The following NCAM2 variants were observed in gnomAD, a reference collection of about 807,000 sequenced individuals.
The protein encoded by NCAM2 is neural cell adhesion molecule 2, also known as N-CAM-2.
A neutral mutation model predicts 98.1 loss-of-function variants in NCAM2; 30 were observed. The ratio of observed to expected loss-of-function variants is 0.31; its 90% CI spans 0.23 to 0.41. The LOEUF (loss-of-function observed/expected upper bound fraction) is 0.41, where lower values mean the gene tolerates loss of function less well. Among genes scored for constraint, NCAM2 ranks in the 10% least tolerant of loss-of-function variants. The pLI is 1.00. For missense variants in NCAM2, 867 were observed against 1,005.8 expected (o/e 0.86, Z 1.87); for synonymous variants, 368 against 342.4 (o/e 1.07, Z -0.83).
intron 9 of NCAM2, among the ~76,000 whole-genome samples, chr21:21,384,698 T>C (rs924603945): frequency 2.6e-5 from 4 of 152,024 alleles, no homozygotes; most frequent in African/African-American, 9.7e-5. Flanking sequence ...ATGTAAATAA[T>C]GTTTAAAGTA....
intron 15 of NCAM2, among the ~76,000 whole-genome samples, chr21:21,497,174 A>G (rs1987300851): frequency 6.6e-6 from 1 of 152,190 alleles, no homozygotes; most frequent in Admixed American, 6.5e-5. Flanking sequence ...ACACATGGAC[A>G]TAAATATGGG....
chr21:21,500,005 T>C (rs549641632), intron 15 of NCAM2, among the ~76,000 whole-genome samples: 3 of 152,150 alleles, frequency 2.0e-5, no homozygotes, highest in East Asian at 3.9e-4. Flanking sequence ...TCAATATATA[T>C]TATAAAATAC....
intron 15 of NCAM2, among the ~76,000 whole-genome samples, chr21:21,501,247 T>C (rs1035037186): frequency 1.3e-5 from 2 of 152,018 alleles, no homozygotes; most frequent in Admixed American, 6.6e-5. Context: ...GTTGTATAAA[T>C]CTCAGAAATG....
At chr21:21,438,463 G>A (rs896795481) in intron 12 of NCAM2, among the ~76,000 whole-genome samples, 20 of 152,046 alleles carry the variant, frequency 1.3e-4, no homozygotes, top group African/African-American at 3.6e-4. Flanking sequence ...AGCTGAAGCC[G>A]TACTAATTAT....
intron 12 of NCAM2, among the ~76,000 whole-genome samples, chr21:21,460,982 G>A (rs1450381254): frequency 1.3e-5 from 2 of 151,726 alleles, no homozygotes; most frequent in African/African-American, 4.8e-5. Context: ...TTGGCAGTAT[G>A]GACATTTAGG....
At position 21,542,496 on chromosome 21, in the gene NCAM2, T is replaced by A. The variant is rs1209787159; in HGVS notation, c.*4539T>A. 1 of 151,896 alleles carries A rather than the reference T, an allele frequency of 6.6e-6. No individual in the cohort carries two copies. The highest frequency in any genetic ancestry group is 1.5e-5 in the Non-Finnish European group (1 of 67,882). The allele number at this position is 151,896 out of a possible 1,614,324, so 9.4% of individuals were successfully genotyped here. A position where few individuals can be genotyped will look rare whatever the true frequency, so the allele number is the denominator to read the frequency against. ...GCCACACAACATTCAGAATTATTGC[T>A]CATGTAAATTTAAATATTGCTACTT... On this transcript the variant is annotated 3_prime_UTR_variant, in exon 18 of 18. Coordinates refer to ENST00000400546, the MANE Select transcript of NCAM2 (RefSeq NM_004540.5).
intron 15 of NCAM2, among the ~76,000 whole-genome samples, chr21:21,507,871 A>G (rs1021218607): frequency 1.3e-5 from 2 of 151,728 alleles, no homozygotes; most frequent in African/African-American, 4.8e-5. Context: ...TGCCTATCAA[A>G]TTATATTTCT....
rs554937039 is a variant in NCAM2, at chr21:21,052,008, AT to A, written c.55+53398del. Among the ~76,000 whole-genome samples the A allele has an allele frequency of 8.6e-5, 13 of 152,042 alleles. No homozygotes were observed. The South Asian group carries it at 2.1e-3, about 24-fold the overall frequency. ...TTTAGAGTCAGAGTATATATGCAGG[AT>A]TTTTTTTAACAAAGGTAAATTGCAT... On this transcript the variant is annotated intron_variant, in intron 1 of 17. Transcript: ENST00000400546.
intron 1 of NCAM2, among the ~76,000 whole-genome samples, chr21:21,058,996 T>G (rs2076987869): frequency 6.6e-6 from 1 of 152,142 alleles, no homozygotes; most frequent in Admixed American, 6.6e-5. Flanking sequence ...ATATCCCAGA[T>G]ATTTCCTTGA....
At chr21:21,206,943 G>A (rs7510059) in intron 1 of NCAM2, among the ~76,000 whole-genome samples, 151,288 of 152,194 alleles carry the variant, frequency 0.99, 75,202 homozygotes, top group East Asian at 1. Context: ...TTGCCCATGG[G>A]TGAAGAGATG....
intron 1 of NCAM2, among the ~76,000 whole-genome samples, chr21:21,238,156 C>G (rs1396574271): frequency 1.3e-5 from 2 of 151,864 alleles, no homozygotes; most frequent in Admixed American, 6.6e-5. Flanking sequence ...GGGGTTTTGT[C>G]ATCTTGGCCA....
At chr21:21,334,198 G>A (rs2074792635) in intron 6 of NCAM2, among the ~76,000 whole-genome samples, 1 of 152,080 alleles carries the variant, frequency 6.6e-6, no homozygotes, top group Non-Finnish European at 1.5e-5. Flanking sequence ...CTCCCAAGGT[G>A]CTGGGATTAC....
chr21:21,106,539 T>A (rs2066353622), intron 1 of NCAM2, among the ~76,000 whole-genome samples: 2 of 151,946 alleles, frequency 1.3e-5, no homozygotes, highest in East Asian at 3.9e-4. Context: ...CAAAGTTAAT[T>A]TCATTACATT....
At chr21:21,490,156 C>G (rs1022850872) in intron 15 of NCAM2, among the ~76,000 whole-genome samples, 2 of 151,864 alleles carry the variant, frequency 1.3e-5, no homozygotes, top group Non-Finnish European at 2.9e-5. Context: ...CCTGAACTGT[C>G]AGTAAATGTT....
chr21:21,431,891 ACTGT>A (rs1166592607), intron 11 of NCAM2, among the ~76,000 whole-genome samples: 2 of 152,162 alleles, frequency 1.3e-5, no homozygotes, highest in Admixed American at 6.5e-5. Context: ...TTTTAATTTT[ACTGT>A]CTATTTTCTG....
intron 1 of NCAM2, among the ~76,000 whole-genome samples, chr21:21,063,535 A>C (rs1167171012): frequency 6.6e-6 from 1 of 151,922 alleles, no homozygotes; most frequent in Non-Finnish European, 1.5e-5. Flanking sequence ...TACATTCTTA[A>C]TGCCAAATGA....
At chr21:21,326,690 T>C (rs950046753) in intron 6 of NCAM2, among the ~76,000 whole-genome samples, 1 of 152,176 alleles carries the variant, frequency 6.6e-6, no homozygotes, top group African/African-American at 2.4e-5. Context: ...TATTTTTTCT[T>C]CTCCATATCT....
intron 1 of NCAM2, among the ~76,000 whole-genome samples, chr21:21,124,386 A>T (rs1404132143): frequency 2.0e-5 from 3 of 152,216 alleles, no homozygotes; most frequent in Non-Finnish European, 4.4e-5. Context: ...CCTGTTTAAC[A>T]TAACAAAGAA....
intron 1 of NCAM2, chr21:21,226,536 C>T (rs1448806628): frequency 6.6e-6 from 1 of 152,058 alleles, no homozygotes; most frequent in African/African-American, 2.4e-5. Context: ...TGTTGGACTA[C>T]ATGCCACAAT....
Sources: gnomAD v4.1 joint callset for allele counts (sites outside exome capture counted in the v4.1 genomes callset) on GRCh38, gnomAD v4.1.1 for gene constraint, MANE v1.5 for transcripts, NCBI Gene and HGNC (gene_info 2026-07-23, HGNC 2026-07-21) for gene names.